The following MTUS2 variants were observed in gnomAD, a reference collection of about 807,000 sequenced individuals.
MTUS2 encodes microtubule-associated tumor suppressor candidate 2.
Under a neutral mutation model 114.1 loss-of-function variants are expected in MTUS2, and 40 were observed. That is an observed-to-expected ratio of 0.35 (90% confidence interval 0.27 to 0.46). MTUS2 has a LOEUF of 0.46. Among genes scored for constraint, MTUS2 ranks in the 20% least tolerant of loss-of-function variants. The pLI, the probability that MTUS2 is intolerant of heterozygous loss-of-function variation, is 1.00. For synonymous variants in MTUS2, 688 were observed against 672.0 expected, an observed-to-expected ratio of 1.02 and a Z score of -0.37; for missense variants, 1,679 against 1,705.4, an observed-to-expected ratio of 0.98 and a Z score of 0.27.
At chr13:29,106,207 G>T (rs1337105940) in intron 5 of MTUS2, among the ~76,000 whole-genome samples, 1 of 152,138 alleles carries the variant, frequency 6.6e-6, no homozygotes, top group Non-Finnish European at 1.5e-5. Flanking sequence ...TCTCTAACCC[G>T]ATGGCCCAGC....
intron 2 of MTUS2, among the ~76,000 whole-genome samples, chr13:28,998,363 T>C (rs897319263): frequency 6.6e-6 from 1 of 152,230 alleles, no homozygotes; most frequent in Non-Finnish European, 1.5e-5. Context: ...CTGACAATTA[T>C]GTGCCTTGGA....
intron 2 of MTUS2, among the ~76,000 whole-genome samples, chr13:28,883,011 A>G (rs897279442): frequency 3.9e-5 from 6 of 152,228 alleles, no homozygotes; most frequent in African/African-American, 1.4e-4. Context: ...CAGACATTTC[A>G]GTGAGTAGGA....
At chr13:29,267,934 GA>G (rs1305933209) in intron 5 of MTUS2, among the ~76,000 whole-genome samples, 1 of 152,184 alleles carries the variant, frequency 6.6e-6, no homozygotes, top group East Asian at 1.9e-4. Context: ...ACAGGTGAAA[GA>G]CTGTTGTATT....
At chr13:29,160,692 C>T (rs1229222883) in intron 5 of MTUS2, among the ~76,000 whole-genome samples, 1 of 151,888 alleles carries the variant, frequency 6.6e-6, no homozygotes, top group Non-Finnish European at 1.5e-5. Flanking sequence ...ATGGTGTGAA[C>T]CCAGGAGGCA....
intron 8 of MTUS2, among the ~76,000 whole-genome samples, chr13:29,395,088 T>A (rs924521254): frequency 6.6e-6 from 1 of 152,200 alleles, no homozygotes; most frequent in Non-Finnish European, 1.5e-5. Flanking sequence ...ATAAAATACT[T>A]TGATTTCTTT....
At chr13:29,389,407 A>G (rs1359778290) in intron 8 of MTUS2, among the ~76,000 whole-genome samples, 1 of 99,930 alleles carries the variant, frequency 1.0e-5, no homozygotes, top group Non-Finnish European at 2.0e-5. Flanking sequence ...ATATATGTAT[A>G]CACGTGTGTG....
intron 9 of MTUS2, among the ~76,000 whole-genome samples, chr13:29,457,100 G>A (rs140971410): frequency 0.015 from 2,316 of 150,310 alleles, 53 homozygotes; most frequent in African/African-American, 0.054. Flanking sequence ...AGCCGAGATC[G>A]CGACACTGCA....
At chr13:29,196,289 G>A (rs946847144) in intron 5 of MTUS2, among the ~76,000 whole-genome samples, 3 of 151,846 alleles carry the variant, frequency 2.0e-5, no homozygotes, top group East Asian at 1.9e-4. Flanking sequence ...TAGAGACGGG[G>A]GTTTCACCAC....
chr13:29,091,268 A>G (rs1278249871), intron 4 of MTUS2, among the ~76,000 whole-genome samples: 1 of 151,990 alleles, frequency 6.6e-6, no homozygotes, highest in African/African-American at 2.4e-5. Flanking sequence ...ACCCACACTC[A>G]GGTATTTATT....
At chr13:29,422,078 A>ACG (rs2138597625) in intron 8 of MTUS2, among the ~76,000 whole-genome samples, 1 of 152,294 alleles carries the variant, frequency 6.6e-6, no homozygotes, top group Admixed American at 6.5e-5. Flanking sequence ...TTCCATTTAT[A>ACG]TGTCTGAATT....
At chr13:29,324,411 C>T (rs1900391708) in intron 6 of MTUS2, among the ~76,000 whole-genome samples, 1 of 152,178 alleles carries the variant, frequency 6.6e-6, no homozygotes, top group African/African-American at 2.4e-5. Flanking sequence ...CCCCTGACCA[C>T]TCAAAACTAA....
intron 7 of MTUS2, among the ~76,000 whole-genome samples, chr13:29,348,074 G>A (rs1260160503): frequency 6.6e-6 from 1 of 151,794 alleles, no homozygotes; most frequent in Non-Finnish European, 1.5e-5. Flanking sequence ...ATTTTTATAA[G>A]GCTTCATCAC....
Position 28,891,827 on chromosome 13 carries a change from G to A in MTUS2, c.-243+51977G>A, listed in dbSNP as rs141196541. 4.0e-3 allele frequency among the ~76,000 whole-genome samples: 506 copies of A among 127,754 alleles called. 5 individuals are homozygous for A. The highest frequency in any genetic ancestry group is 0.015 in the African/African-American group (495 of 33,540). The allele number at this position is 127,754 out of a possible 152,430, so 83.8% of individuals were successfully genotyped here. A position where few individuals can be genotyped will look rare whatever the true frequency, so the allele number is the denominator to read the frequency against. On this transcript the variant is annotated intron_variant, in intron 2 of 15. Transcript: ENST00000612955. ...AGGGAGTCGGAGGTTGCAGTGAGCCGAGATCACGCCACTGCACAGAGACTC... is the reference window on the plus strand; with the variant it reads ...AGGGAGTCGGAGGTTGCAGTGAGCCAAGATCACGCCACTGCACAGAGACTC...
rs1881077438 is a variant in MTUS2, at chr13:29,480,432, G to A, written c.3399+68G>A. 3 of 1,434,484 alleles carry A rather than the reference G, an allele frequency of 2.1e-6. No homozygotes were observed. The highest frequency in any genetic ancestry group is 2.8e-6 in the Non-Finnish European group (3 of 1,082,086). 88.9% of individuals were successfully genotyped at this position (1,434,484 alleles called of 1,614,324 possible). ...AGGTGGCGGGCGGCGGGGATCCAGT[G>A]CCACATTAGCAAGAAGTCCTATTCA... On this transcript the variant is annotated intron_variant, in intron 10 of 15. Coordinates refer to ENST00000612955, the MANE Select transcript of MTUS2 (RefSeq NM_001033602.4). This position sits in a 1 kb window ranked among gnomAD's most constrained non-coding sequence, Gnocchi z 4.4.
At position 29,417,064 on chromosome 13, in the gene MTUS2, G is replaced by A. The variant is rs929616076; in HGVS notation, c.3118-22919G>A. 3.3e-5 allele frequency among the ~76,000 whole-genome samples: 5 copies of A among 152,164 alleles called. No individual in the cohort carries two copies. The East Asian group carries it at 9.6e-4, about 29-fold the overall frequency. On this transcript the variant is annotated intron_variant, in intron 8 of 15. Transcript: ENST00000612955. ...ATAATTTATAATTTAGAGGTTTATG[G>A]CTCACAGTTCTGCAGGTTGTGCAAG...
At chr13:29,429,719 G>A (rs1287825017) in intron 8 of MTUS2, among the ~76,000 whole-genome samples, 2 of 152,214 alleles carry the variant, frequency 1.3e-5, no homozygotes, top group Non-Finnish European at 2.9e-5. Flanking sequence ...CAAGATGCAT[G>A]AAATGGGATT....
At chr13:29,308,169 C>T (rs1156540266) in intron 6 of MTUS2, among the ~76,000 whole-genome samples, 3 of 152,190 alleles carry the variant, frequency 2.0e-5, no homozygotes, top group South Asian at 4.1e-4. Flanking sequence ...TACAAGACTA[C>T]AGTAACTAAA....
At chr13:29,323,185 T>C (rs1357201849) in intron 6 of MTUS2, among the ~76,000 whole-genome samples, 1 of 152,074 alleles carries the variant, frequency 6.6e-6, no homozygotes, top group African/African-American at 2.4e-5. Flanking sequence ...CTTGTAACAA[T>C]CTAAATGCTC....
chr13:28,946,748 C>T (rs1486928409), intron 2 of MTUS2, among the ~76,000 whole-genome samples: 3 of 152,004 alleles, frequency 2.0e-5, no homozygotes, highest in African/African-American at 7.3e-5. Flanking sequence ...TGGGGTCTCA[C>T]TGTGCTGCCC....
Sources: gnomAD v4.1 joint callset for allele counts (sites outside exome capture counted in the v4.1 genomes callset) on GRCh38, gnomAD v4.1.1 for gene constraint, Gnocchi (gnomAD v3.1) non-coding constraint, MANE v1.5 for transcripts, NCBI Gene and HGNC (gene_info 2026-07-23, HGNC 2026-07-21) for gene names.